Variants in CCM2 observed in about 807,000 individuals in gnomAD.
The protein encoded by CCM2 is cerebral cavernous malformations 2 protein.
CCM2 carries 25 observed loss-of-function variants against 44.9 expected under a neutral mutation model. The ratio of observed to expected loss-of-function variants is 0.56; its 90% CI spans 0.41 to 0.78. The LOEUF is 0.78. CCM2 is among the 30% of genes least tolerant of loss of function. The pLI is 0.00. For synonymous variants in CCM2, 219 were observed against 241.1 expected (o/e 0.91, Z 0.85); for missense variants, 481 against 580.6 (o/e 0.83, Z 1.76).
intron 4 of CCM2, 143 bp from the exon 5 acceptor site, chr7:45,068,297 AGGC>A: frequency 1.0e-6 from 1 of 977,564 alleles, no homozygotes; most frequent in Non-Finnish European, 1.6e-6. Context: ...TGTCTGGTGC[AGGC>A]CCTTCACCTG....
chr7:45,010,849 C>T (rs534930369), intron 1 of CCM2, among the ~76,000 whole-genome samples: 69 of 152,060 alleles, frequency 4.5e-4, no homozygotes, highest in Non-Finnish European at 8.8e-4. Flanking sequence ...ACACTTGCCA[C>T]GGCCTCCCAG....
intron 1 of CCM2, among the ~76,000 whole-genome samples, chr7:45,018,351 T>A (rs1357660071): frequency 2.0e-5 from 3 of 152,108 alleles, no homozygotes; most frequent in Non-Finnish European, 2.9e-5. Context: ...CAGCATTTTT[T>A]ATTATTTATT....
chr7:45,061,323 C>T (rs147339482), intron 2 of CCM2, among the ~76,000 whole-genome samples: 15 of 152,194 alleles, frequency 9.9e-5, no homozygotes, highest in African/African-American at 3.4e-4. Flanking sequence ...GAGACATAAA[C>T]GATAGAGGAG....
chr7:45,071,834 G>A (rs1388508118), intron 6 of CCM2: 1 of 456,678 alleles, frequency 2.2e-6, no homozygotes, highest in Non-Finnish European at 4.4e-6. Context: ...ATCACATTGA[G>A]CCCACCCAAA....
At chr7:45,027,909 G>T in intron 1 of CCM2, 2 of 1,130,594 alleles carry the variant, frequency 1.8e-6, no homozygotes, top group Non-Finnish European at 2.6e-6. Context: ...AGCTAGGGTA[G>T]CCCAGTCTCC....
chr7:45,026,073 C>T (rs1400504279), intron 1 of CCM2, among the ~76,000 whole-genome samples: 1 of 152,152 alleles, frequency 6.6e-6, no homozygotes, highest in African/African-American at 2.4e-5. Context: ...GGAATCCTTC[C>T]CCTCCCTGCA....
intron 1 of CCM2, among the ~76,000 whole-genome samples, chr7:45,021,985 T>G (rs1796500006): frequency 6.6e-6 from 1 of 152,224 alleles, no homozygotes; most frequent in Non-Finnish European, 1.5e-5. Flanking sequence ...TTTTGCTAGA[T>G]TCATTTTGAA....
chr7:45,022,804 G>A (rs1306004677), intron 1 of CCM2, among the ~76,000 whole-genome samples: 1 of 151,842 alleles, frequency 6.6e-6, no homozygotes, highest in African/African-American at 2.4e-5. Flanking sequence ...GCAGTGGTGC[G>A]ATCTCGGCTC....
intron 2 of CCM2, among the ~76,000 whole-genome samples, chr7:45,062,479 CTT>C (rs1798570210): frequency 6.6e-6 from 1 of 152,122 alleles, no homozygotes; most frequent in Non-Finnish European, 1.5e-5. Context: ...CCAAAAAAAC[CTT>C]TTTACTAAAT....
At chr7:45,051,984 C>T (rs1289680502) in intron 2 of CCM2, among the ~76,000 whole-genome samples, 5 of 152,192 alleles carry the variant, frequency 3.3e-5, no homozygotes, top group Admixed American at 1.3e-4. Flanking sequence ...GGGTTACAGG[C>T]GTGAGGGTAT....
Position 45,010,170 on chromosome 7 carries a change from C to G in CCM2, c.30+9807C>G, listed in dbSNP as rs115668659. ...AAGCAATCCTTCTGTCTCGGCCTGC[C>G]AAAGTGTTGGTATTACAGGCGTGAG... On this transcript the variant is annotated intron_variant, in intron 1 of 9. Coordinates refer to ENST00000258781, the MANE Select transcript of CCM2 (RefSeq NM_031443.4). 4.4e-3 allele frequency among the ~76,000 whole-genome samples: 663 copies of G among 152,246 alleles called. 5 individuals are homozygous for G. Among genetic ancestry groups the G allele is most frequent in the African/African-American group, 0.015 (639 of 41,532 alleles).
chr7:45,009,465 C>T (rs1293772313), intron 1 of CCM2, among the ~76,000 whole-genome samples: 4 of 124,544 alleles, frequency 3.2e-5, no homozygotes, highest in African/African-American at 6.1e-5. Context: ...AGTGCAATGG[C>T]GTGATTTCGG....
intron 4 of CCM2, 158 bp from the exon 5 acceptor site, chr7:45,068,285 T>G: frequency 1.2e-6 from 1 of 868,916 alleles, no homozygotes; most frequent in East Asian, 2.5e-5. Flanking sequence ...AGAAGCGAAG[T>G]GTGTCTGGTG....
chr7:45,050,609 A>G (rs889752558), intron 2 of CCM2, among the ~76,000 whole-genome samples: 2 of 152,190 alleles, frequency 1.3e-5, no homozygotes, highest in Admixed American at 1.3e-4. Context: ...TGTACTTATA[A>G]GTGAGGTTGA....
intron 1 of CCM2, among the ~76,000 whole-genome samples, chr7:45,022,266 G>T (rs1321710362): frequency 6.8e-6 from 1 of 147,234 alleles, no homozygotes; most frequent in African/African-American, 2.5e-5. Flanking sequence ...TTCATGTGGG[G>T]ATCATTATTT....
chr7:45,041,947 A>T (rs1204638629), intron 2 of CCM2, among the ~76,000 whole-genome samples: 1 of 152,184 alleles, frequency 6.6e-6, no homozygotes, highest in East Asian at 1.9e-4. Context: ...CAGGAGGCCA[A>T]GTAGGGAATC....
chr7:45,044,086 T>C (rs1797639955), intron 2 of CCM2, among the ~76,000 whole-genome samples: 1 of 152,178 alleles, frequency 6.6e-6, no homozygotes, highest in Non-Finnish European at 1.5e-5. Context: ...CACAGATCTG[T>C]CTTTATTTTT....
intron 2 of CCM2, among the ~76,000 whole-genome samples, chr7:45,042,361 G>A (rs1443607650): frequency 6.6e-6 from 1 of 152,010 alleles, no homozygotes; most frequent in African/African-American, 2.4e-5. Context: ...GGAGAAAGAG[G>A]GAAGGGCTGA....
chr7:45,061,623 G>T (rs915846858), intron 2 of CCM2, among the ~76,000 whole-genome samples: 1 of 151,726 alleles, frequency 6.6e-6, no homozygotes, highest in African/African-American at 2.4e-5. Flanking sequence ...ACACTGCCGT[G>T]CCCAACTATT....
Sources: allele counts gnomAD v4.1 joint callset (sites outside exome capture counted in the v4.1 genomes callset), GRCh38; gene constraint gnomAD v4.1.1; transcripts MANE v1.5; gene names NCBI Gene and HGNC (gene_info 2026-07-23, HGNC 2026-07-21).